The following SH3RF3 variants were observed in gnomAD, a reference collection of about 807,000 sequenced individuals.
SH3RF3 encodes the protein SH3 domain containing ring finger 3.
SH3RF3 carries 29 observed loss-of-function variants against 66.3 expected under a neutral mutation model. That is an observed-to-expected ratio of 0.44 (90% CI 0.33 to 0.60). The LOEUF is 0.60. SH3RF3 is among the 20% of genes least tolerant of loss of function. The pLI, the probability that SH3RF3 is intolerant of heterozygous loss-of-function variation, is 0.04. For synonymous variants in SH3RF3, 583 were observed against 532.0 expected (o/e 1.10, Z -1.32); for missense variants, 1,194 against 1,190.9 (o/e 1.00, Z -0.04).
At chr2:109,436,086 C>T (rs1377063910) in intron 6 of SH3RF3, among the ~76,000 whole-genome samples, 1 of 152,178 alleles carries the variant, frequency 6.6e-6, no homozygotes, top group Non-Finnish European at 1.5e-5. Flanking sequence ...ACGGGGCAGG[C>T]AGCCTGTTCT....
intron 1 of SH3RF3, among the ~76,000 whole-genome samples, chr2:109,326,035 T>G (rs533382411): frequency 1.1e-4 from 16 of 152,262 alleles, no homozygotes; most frequent in Non-Finnish European, 2.1e-4. Flanking sequence ...CTAAGAAATG[T>G]GGAGACCTAG....
At chr2:109,336,392 T>A (rs1022237187) in intron 1 of SH3RF3, among the ~76,000 whole-genome samples, 2 of 152,240 alleles carry the variant, frequency 1.3e-5, no homozygotes, top group Admixed American at 1.3e-4. Flanking sequence ...AATAACTGGA[T>A]TGACTCACTA....
chr2:109,367,513 C>T (rs559128128), intron 2 of SH3RF3, among the ~76,000 whole-genome samples: 1 of 152,058 alleles, frequency 6.6e-6, no homozygotes, highest in Admixed American at 6.5e-5. Flanking sequence ...AACTCCTGAC[C>T]TCAGGTGATC....
intron 1 of SH3RF3, among the ~76,000 whole-genome samples, chr2:109,316,490 A>G (rs76877923): frequency 0.31 from 47,379 of 152,012 alleles, 9,142 homozygotes; most frequent in African/African-American, 0.55. Context: ...AGCCCATGAC[A>G]TGGAGAGAAC....
At chr2:109,466,851 A>G (rs1041141542) in intron 8 of SH3RF3, among the ~76,000 whole-genome samples, 1 of 152,100 alleles carries the variant, frequency 6.6e-6, no homozygotes, top group Non-Finnish European at 1.5e-5. Context: ...GTGCATGTCT[A>G]TACATGTGCA....
At chr2:109,319,683 G>A (rs1391834921) in intron 1 of SH3RF3, among the ~76,000 whole-genome samples, 1 of 152,174 alleles carries the variant, frequency 6.6e-6, no homozygotes, top group Non-Finnish European at 1.5e-5. Flanking sequence ...TAAAGTGTGC[G>A]ATCTTGAAGA....
intron 1 of SH3RF3, among the ~76,000 whole-genome samples, chr2:109,274,986 A>G (rs1329712239): frequency 2.0e-5 from 3 of 152,202 alleles, no homozygotes; most frequent in Non-Finnish European, 4.4e-5. Flanking sequence ...ATTTTGCATC[A>G]ATAAAAGAGC....
intron 5 of SH3RF3, among the ~76,000 whole-genome samples, chr2:109,421,665 G>A (rs1676882253): frequency 6.6e-6 from 1 of 152,290 alleles, no homozygotes; most frequent in Admixed American, 6.5e-5. Context: ...TCTCCCCCAG[G>A]GGAGGGCACT....
intron 2 of SH3RF3, 50 bp from the exon 3 acceptor site, chr2:109,371,536 A>G (rs781129136): frequency 1.3e-6 from 2 of 1,526,014 alleles, no homozygotes; most frequent in East Asian, 2.3e-5. Flanking sequence ...TTCCTTTTTC[A>G]TTGTGTGTGT....
At chr2:109,286,676 G>A (rs1049229158) in intron 1 of SH3RF3, among the ~76,000 whole-genome samples, 7 of 152,140 alleles carry the variant, frequency 4.6e-5, no homozygotes, top group Non-Finnish European at 1.0e-4. Flanking sequence ...CCCCTGTTTG[G>A]CATAGCTCAT....
In SH3RF3 at chr2:109,268,742, TAA is replaced by T. The variant is rs11428324; in HGVS notation, c.574-78922_574-78921del. Among the ~76,000 whole-genome samples the T allele has an allele frequency of 3.7e-3, 552 of 150,150 alleles. 3 individuals carry two copies. The highest frequency in any genetic ancestry group is 0.013 in the African/African-American group (522 of 40,982). On this transcript the variant is annotated intron_variant, in intron 1 of 9. Transcript: ENST00000309415. Reference sequence around the variant, plus strand: ...GCATAAGTTATTTAATACTTTATTATAAAAAAAAAAAGGCTTTGAGTCTGATG... The same window carrying T: ...GCATAAGTTATTTAATACTTTATTATAAAAAAAAAGGCTTTGAGTCTGATG...
intron 8 of SH3RF3, among the ~76,000 whole-genome samples, chr2:109,471,909 A>G (rs1289025987): frequency 6.6e-6 from 1 of 152,210 alleles, no homozygotes; most frequent in East Asian, 1.9e-4. Flanking sequence ...TCTAGAAGGC[A>G]GGGGCTGTGT....
At chr2:109,179,226 T>G (rs1678010862) in intron 1 of SH3RF3, among the ~76,000 whole-genome samples, 1 of 152,342 alleles carries the variant, frequency 6.6e-6, no homozygotes, top group Non-Finnish European at 1.5e-5. Flanking sequence ...TTCTACTTCC[T>G]GTTCTGACAT....
intron 1 of SH3RF3, among the ~76,000 whole-genome samples, chr2:109,218,981 C>T (rs368940382): frequency 1.3e-5 from 2 of 152,194 alleles, no homozygotes; most frequent in East Asian, 3.8e-4. Flanking sequence ...TGTTTCTGTT[C>T]TGGGATTATG....
At chr2:109,342,575 C>T (rs1682579263) in intron 1 of SH3RF3, among the ~76,000 whole-genome samples, 1 of 152,002 alleles carries the variant, frequency 6.6e-6, no homozygotes, top group African/African-American at 2.4e-5. Context: ...CTCTCCACCC[C>T]AGCTTGCTGG....
intron 8 of SH3RF3, among the ~76,000 whole-genome samples, chr2:109,465,494 G>A (rs554445466): frequency 6.6e-6 from 1 of 152,146 alleles, no homozygotes; most frequent in Non-Finnish European, 1.5e-5. Flanking sequence ...AGCATTCAGT[G>A]TTGTCACTGT....
At chr2:109,347,494 A>G (rs950253556) in intron 1 of SH3RF3, among the ~76,000 whole-genome samples, 180 bp from the exon 2 acceptor site, 4 of 152,060 alleles carry the variant, frequency 2.6e-5, no homozygotes, top group Non-Finnish European at 4.4e-5. Flanking sequence ...GTGGCGCCTC[A>G]GAATGTGCAT....
chr2:109,300,367 A>G (rs1386352893), intron 1 of SH3RF3, among the ~76,000 whole-genome samples: 1 of 152,018 alleles, frequency 6.6e-6, no homozygotes, highest in Non-Finnish European at 1.5e-5. Flanking sequence ...TTTAGTAGAG[A>G]TGGGGTTTCA....
At chr2:109,326,211 G>C (rs1682151543) in intron 1 of SH3RF3, among the ~76,000 whole-genome samples, 1 of 152,156 alleles carries the variant, frequency 6.6e-6, no homozygotes, top group Non-Finnish European at 1.5e-5. Flanking sequence ...TCTGTAACTT[G>C]CTTCTTCCAC....
Sources: gnomAD v4.1 joint callset for allele counts (sites outside exome capture counted in the v4.1 genomes callset) on GRCh38, gnomAD v4.1.1 for gene constraint, MANE v1.5 for transcripts, NCBI Gene and HGNC (gene_info 2026-07-23, HGNC 2026-07-21) for gene names.